Variants in MALRD1 observed in about 807,000 individuals in gnomAD.
MALRD1 encodes the protein MAM and LDL-receptor class A domain-containing protein 1.
MALRD1 carries 247 observed loss-of-function variants against 242.1 expected under a neutral mutation model. That is an observed-to-expected ratio of 1.02 (90% CI 0.92 to 1.13). The LOEUF is 1.13. Among genes scored for constraint, MALRD1 ranks in the 50% most tolerant of loss-of-function variants. MALRD1 has a pLI of 0.00. For synonymous variants in MALRD1, 995 were observed against 866.6 expected, an observed-to-expected ratio of 1.15 and a Z score of -2.60; for missense variants, 2,989 against 2,533.1, an observed-to-expected ratio of 1.18 and a Z score of -3.86.
At chr10:19,226,269 A>G (rs1837796293) in intron 18 of MALRD1, among the ~76,000 whole-genome samples, 1 of 152,164 alleles carries the variant, frequency 6.6e-6, no homozygotes, top group Non-Finnish European at 1.5e-5. Context: ...GGAATTTACA[A>G]AATGTAGCAA....
chr10:19,477,078 T>C (rs940967576), intron 29 of MALRD1, among the ~76,000 whole-genome samples: 1 of 152,116 alleles, frequency 6.6e-6, no homozygotes. Flanking sequence ...CATTCAGAGA[T>C]GGGAATGCCT....
At chr10:19,070,711 T>A (rs1010692999) in intron 2 of MALRD1, among the ~76,000 whole-genome samples, 2 of 152,038 alleles carry the variant, frequency 1.3e-5, no homozygotes, top group African/African-American at 4.8e-5. Flanking sequence ...TTCTTTGTCG[T>A]ATAATTTTGA....
At chr10:19,340,612 G>A (rs1229500430) in intron 24 of MALRD1, among the ~76,000 whole-genome samples, 1 of 152,086 alleles carries the variant, frequency 6.6e-6, no homozygotes. Flanking sequence ...GGATAGAAAA[G>A]TGTACTCTGC....
At chr10:19,446,408 C>T (rs1834983544) in intron 28 of MALRD1, among the ~76,000 whole-genome samples, 1 of 151,824 alleles carries the variant, frequency 6.6e-6, no homozygotes, top group African/African-American at 2.4e-5. Context: ...ATAAAGATGT[C>T]AATTGGAAAA....
At chr10:19,079,962 TATATGCCAA>T (rs1835431741) in intron 2 of MALRD1, among the ~76,000 whole-genome samples, 1 of 152,060 alleles carries the variant, frequency 6.6e-6, no homozygotes, top group African/African-American at 2.4e-5. Context: ...CTAGCACTCC[TATATGCCAA>T]CATCTGGCAA....
chr10:19,472,467 G>T (rs1836543024), intron 29 of MALRD1, among the ~76,000 whole-genome samples: 1 of 151,922 alleles, frequency 6.6e-6, no homozygotes, highest in South Asian at 2.1e-4. Context: ...AGTTTGAGAA[G>T]GATTGTCATC....
At chr10:19,547,080 A>G (rs1410640172) in intron 32 of MALRD1, among the ~76,000 whole-genome samples, 1 of 152,158 alleles carries the variant, frequency 6.6e-6, no homozygotes, top group Non-Finnish European at 1.5e-5. Context: ...TCATTGAGAG[A>G]AAAGCCTCTA....
intron 18 of MALRD1, among the ~76,000 whole-genome samples, chr10:19,240,920 A>G (rs1838737615): frequency 6.6e-6 from 1 of 152,022 alleles, no homozygotes; most frequent in African/African-American, 2.4e-5. Flanking sequence ...ATCCCACTTG[A>G]TTATAGTGAA....
chr10:19,235,703 A>G (rs1275215271), intron 18 of MALRD1, among the ~76,000 whole-genome samples: 1 of 152,004 alleles, frequency 6.6e-6, no homozygotes, highest in African/African-American at 2.4e-5. Flanking sequence ...TGAAATATCT[A>G]GAAAGTAACG....
At chr10:19,244,804 A>G (rs2131759884) in intron 18 of MALRD1, among the ~76,000 whole-genome samples, 1 of 152,258 alleles carries the variant, frequency 6.6e-6, no homozygotes, top group Non-Finnish European at 1.5e-5. Context: ...TTGCCAGACC[A>G]AATATAGACT....
intron 31 of MALRD1, among the ~76,000 whole-genome samples, chr10:19,508,428 G>A (rs1295775128): frequency 6.6e-6 from 1 of 152,124 alleles, no homozygotes; most frequent in Non-Finnish European, 1.5e-5. Context: ...AGGTTAAAAA[G>A]CTTTACCATG....
chr10:19,270,546 TAGAAC>T lies in MALRD1; in HGVS notation c.3080-9496_3080-9492del, dbSNP rs759291640. On this transcript the variant is annotated intron_variant, in intron 19 of 39. Transcript: ENST00000454679. ...GAAAAAAAGAGAGAGTATTGAGAAA[TAGAAC>T]AGAAAGACAAAGCAAATGCCAGAGT... 1.8e-3 allele frequency among the ~76,000 whole-genome samples: 270 copies of T among 151,694 alleles called. 1 individual carries two copies. Among genetic ancestry groups the T allele is most frequent in the Non-Finnish European group, 2.0e-3 (139 of 67,922 alleles).
At chr10:19,177,874 C>T (rs562611417) in intron 14 of MALRD1, among the ~76,000 whole-genome samples, 1 of 152,050 alleles carries the variant, frequency 6.6e-6, no homozygotes, top group South Asian at 2.1e-4. Context: ...AGGAAAGGAC[C>T]CCTCTAGAAT....
chr10:19,414,908 G>C (rs1833450102), intron 28 of MALRD1, among the ~76,000 whole-genome samples: 1 of 152,088 alleles, frequency 6.6e-6, no homozygotes, highest in Non-Finnish European at 1.5e-5. Context: ...AAGACTACAG[G>C]TTTCATACTG....
intron 29 of MALRD1, among the ~76,000 whole-genome samples, chr10:19,465,540 A>T (rs1367997261): frequency 3.3e-5 from 5 of 151,858 alleles, no homozygotes; most frequent in Non-Finnish European, 7.4e-5. Context: ...TTTTTAAAAA[A>T]TTTTTTTTGA....
At chr10:19,331,298 G>T in intron 23 of MALRD1, 71 bp from the exon 24 acceptor site, 5 of 1,208,868 alleles carry the variant, frequency 4.1e-6, no homozygotes, top group Non-Finnish European at 6.0e-6. Context: ...TGATGTGCTT[G>T]ATACTTAGTG....
chr10:19,298,143 C>T (rs1383231086), intron 21 of MALRD1, among the ~76,000 whole-genome samples: 1 of 151,848 alleles, frequency 6.6e-6, no homozygotes, highest in Admixed American at 6.6e-5. Context: ...TGTGCTACAT[C>T]AAAACATAGC....
At chr10:19,231,090 T>C (rs1044813958) in intron 18 of MALRD1, among the ~76,000 whole-genome samples, 5 of 152,088 alleles carry the variant, frequency 3.3e-5, no homozygotes, top group Non-Finnish European at 1.5e-5. Flanking sequence ...TCTCAGGAGA[T>C]CTAATTAATA....
intron 36 of MALRD1, among the ~76,000 whole-genome samples, chr10:19,620,019 A>AAT (rs564333226): frequency 5.6e-4 from 33 of 58,516 alleles, no homozygotes; most frequent in African/African-American, 1.2e-3. Flanking sequence ...TAATAATAAT[A>AAT]AATAATAATA....
Sources: gnomAD v4.1 joint callset for allele counts (sites outside exome capture counted in the v4.1 genomes callset) on GRCh38, gnomAD v4.1.1 for gene constraint, MANE v1.5 for transcripts, NCBI Gene and HGNC (gene_info 2026-07-23, HGNC 2026-07-21) for gene names.